The following NF1 variants were observed in gnomAD, a reference collection of about 807,000 sequenced individuals.
The protein encoded by NF1 is neurofibromin.
NF1 carries 122 observed loss-of-function variants against 325.7 expected under a neutral mutation model. That is an observed-to-expected ratio of 0.37 (90% CI 0.32 to 0.44). The LOEUF is 0.44. Among genes scored for constraint, NF1 ranks in the 20% least tolerant of loss-of-function variants. The pLI, the probability that NF1 is intolerant of heterozygous loss-of-function variation, is 1.00. For synonymous variants in NF1, 1,091 were observed against 1,186.0 expected (o/e 0.92, Z 1.65); for missense variants, 2,140 against 3,415.4 (o/e 0.63, Z 9.31).
intron 1 of NF1, among the ~76,000 whole-genome samples, chr17:31,129,027 T>C (rs1331625297): frequency 6.6e-6 from 1 of 152,240 alleles, no homozygotes; most frequent in Non-Finnish European, 1.5e-5. Flanking sequence ...CTTTCCTTTA[T>C]AGGTGACATG....
intron 1 of NF1, among the ~76,000 whole-genome samples, chr17:31,135,097 A>T (rs1467360933): frequency 6.6e-6 from 1 of 152,194 alleles, no homozygotes; most frequent in Non-Finnish European, 1.5e-5. Context: ...GATCAAGTTT[A>T]TTAAGCAGTT....
At chr17:31,221,188 T>A (rs1424139390) in intron 14 of NF1, among the ~76,000 whole-genome samples, 2 of 152,000 alleles carry the variant, frequency 1.3e-5, no homozygotes, top group Non-Finnish European at 1.5e-5. Context: ...TTTTTTTATA[T>A]CTTTGATGGT....
chr17:31,272,283 G>GA, intron 36 of NF1: 1 of 152,328 alleles, frequency 6.6e-6, no homozygotes, highest in East Asian at 1.9e-4. Context: ...ATATTACATA[G>GA]AAAATAAATG....
intron 11 of NF1, 86 bp downstream of exon 11, chr17:31,201,571 G>C (rs2066531979): frequency 1.0e-6 from 1 of 986,618 alleles, no homozygotes; most frequent in Non-Finnish European, 1.6e-6. Flanking sequence ...ATGCACTCTT[G>C]GTTTTCAAAA....
At chr17:31,289,834 AT>A (rs958898607) in intron 36 of NF1, among the ~76,000 whole-genome samples, 6 of 152,116 alleles carry the variant, frequency 3.9e-5, no homozygotes, top group African/African-American at 1.4e-4. Context: ...TAAAAATTTC[AT>A]TGCCAAATTG....
intron 36 of NF1, among the ~76,000 whole-genome samples, chr17:31,281,851 G>A (rs2068124787): frequency 6.6e-6 from 1 of 152,050 alleles, no homozygotes; most frequent in South Asian, 2.1e-4. Context: ...GAGTCCAGGA[G>A]TTCGAGACCA....
At chr17:31,294,722 G>A (rs770300460) in intron 36 of NF1, 10 of 452,140 alleles carry the variant, frequency 2.2e-5, no homozygotes, top group East Asian at 4.5e-5. Flanking sequence ...AAGTTTAGAT[G>A]CTTTATATTT....
chr17:31,211,718 A>G (rs1035517163), intron 12 of NF1, among the ~76,000 whole-genome samples: 1 of 152,336 alleles, frequency 6.6e-6, no homozygotes, highest in Non-Finnish European at 1.5e-5. Context: ...TCAAACAGAA[A>G]AGGTGCAGTA....
At chr17:31,104,741 A>C (rs925750364) in intron 1 of NF1, among the ~76,000 whole-genome samples, 1 of 152,222 alleles carries the variant, frequency 6.6e-6, no homozygotes, top group African/African-American at 2.4e-5. Context: ...TTCAGTAAAC[A>C]GAGTACTCTC....
intron 1 of NF1, among the ~76,000 whole-genome samples, chr17:31,104,238 A>G (rs1307000991): frequency 6.6e-6 from 1 of 152,132 alleles, no homozygotes; most frequent in African/African-American, 2.4e-5. Context: ...CTGGGGTTCT[A>G]TGTAGACTCT....
intron 1 of NF1, among the ~76,000 whole-genome samples, chr17:31,116,664 A>G (rs1038417650): frequency 2.6e-5 from 4 of 151,786 alleles, no homozygotes; most frequent in African/African-American, 4.8e-5. Context: ...ATTTTATTTT[A>G]TTTTATTTAT....
chr17:31,237,956 A>C (rs186295304), intron 29 of NF1, among the ~76,000 whole-genome samples: 1 of 152,284 alleles, frequency 6.6e-6, no homozygotes, highest in East Asian at 1.9e-4. Flanking sequence ...CACAACATGA[A>C]AAAAGCTAAA....
At chr17:31,369,171 A>G (rs1221523461) in intron 57 of NF1, among the ~76,000 whole-genome samples, 1 of 152,224 alleles carries the variant, frequency 6.6e-6, no homozygotes, top group Non-Finnish European at 1.5e-5. Context: ...GTGACTAAAA[A>G]ATTGTCAGGC....
At chr17:31,192,255 C>A (rs1479537246) in intron 8 of NF1, among the ~76,000 whole-genome samples, 2 of 152,212 alleles carry the variant, frequency 1.3e-5, no homozygotes, top group Non-Finnish European at 2.9e-5. Flanking sequence ...GCCCGTGACA[C>A]AGCCATCAGG....
At chr17:31,144,201 T>C (rs893567616) in intron 1 of NF1, among the ~76,000 whole-genome samples, 7 of 152,202 alleles carry the variant, frequency 4.6e-5, no homozygotes, top group African/African-American at 1.7e-4. Context: ...CAGCTTACCA[T>C]TTTAAATAAG....
At chr17:31,277,627 C>T (rs2068033449) in intron 36 of NF1, among the ~76,000 whole-genome samples, 1 of 151,928 alleles carries the variant, frequency 6.6e-6, no homozygotes, top group African/African-American at 2.4e-5. Context: ...TTCAGCTGGC[C>T]CATAGGGAAT....
chr17:31,281,944 C>A (rs2068126431), intron 36 of NF1, among the ~76,000 whole-genome samples: 1 of 151,706 alleles, frequency 6.6e-6, no homozygotes, highest in Non-Finnish European at 1.5e-5. Flanking sequence ...CCTGTAGTCC[C>A]AACTACTCAG....
intron 39 of NF1, among the ~76,000 whole-genome samples, chr17:31,332,123 A>T (rs1162248188): frequency 6.6e-6 from 1 of 152,162 alleles, no homozygotes; most frequent in Middle Eastern, 3.4e-3. Context: ...ACAAGTGAAG[A>T]TAATTAAAAA....
intron 36 of NF1, among the ~76,000 whole-genome samples, chr17:31,293,208 A>AAAAAAAAAAAAAC (rs2068385302): frequency 1.4e-5 from 2 of 138,534 alleles, no homozygotes; most frequent in Non-Finnish European, 3.0e-5. Flanking sequence ...AAAAAAAAAA[A>AAAAAAAAAAAAAC]AAAGAAACCT....
Sources: gnomAD v4.1 joint callset for allele counts (sites outside exome capture counted in the v4.1 genomes callset) on GRCh38, gnomAD v4.1.1 for gene constraint, MANE v1.5 for transcripts, NCBI Gene and HGNC (gene_info 2026-07-23, HGNC 2026-07-21) for gene names.